TRAPPC9: variants seen among roughly 807,000 people sequenced by gnomAD.
TRAPPC9 encodes the protein trafficking protein particle complex subunit 9.
In TRAPPC9, 83 loss-of-function variants were observed where a neutral mutation model predicts 124.0. The observed-to-expected ratio is 0.67, with a 90% CI of 0.56 to 0.80. TRAPPC9 has a LOEUF of 0.80. Among genes scored for constraint, TRAPPC9 ranks in the 30% least tolerant of loss-of-function variants. The probability of loss-of-function intolerance (pLI) is 0.00; values close to 1 mark genes in which losing one functional copy is unlikely to be tolerated. For missense variants in TRAPPC9, 1,302 were observed against 1,508.3 expected, an observed-to-expected ratio of 0.86 and a Z score of 2.27; for synonymous variants, 638 against 617.5, an observed-to-expected ratio of 1.03 and a Z score of -0.49.
At chr8:140,362,896 G>A (rs536328053) in intron 8 of TRAPPC9, among the ~76,000 whole-genome samples, 4 of 152,260 alleles carry the variant, frequency 2.6e-5, no homozygotes, top group Non-Finnish European at 5.9e-5. Flanking sequence ...CCTACCACGG[G>A]CGATTATGAG....
intron 10 of TRAPPC9, among the ~76,000 whole-genome samples, chr8:140,303,744 C>T (rs1012870280): frequency 6.6e-6 from 1 of 152,206 alleles, no homozygotes; most frequent in African/African-American, 2.4e-5. Flanking sequence ...TTACTTGAAA[C>T]CATCTTTGGG....
At chr8:140,127,696 G>A (rs2061123858) in intron 17 of TRAPPC9, among the ~76,000 whole-genome samples, 2 of 152,170 alleles carry the variant, frequency 1.3e-5, no homozygotes, top group African/African-American at 4.8e-5. Flanking sequence ...AAACATTAAA[G>A]GAGATACGTT....
At chr8:139,891,503 C>T (rs2131155908) in intron 20 of TRAPPC9, among the ~76,000 whole-genome samples, 1 of 152,354 alleles carries the variant, frequency 6.6e-6, no homozygotes, top group South Asian at 2.1e-4. Flanking sequence ...CATGCACGTG[C>T]TCATCCACTC....
At chr8:140,124,943 T>C (rs542564153) in intron 17 of TRAPPC9, among the ~76,000 whole-genome samples, 45 of 152,370 alleles carry the variant, frequency 3.0e-4, no homozygotes, top group Middle Eastern at 6.8e-3. Context: ...TTGCCATTTC[T>C]GGAAAGAAAG....
intron 21 of TRAPPC9, among the ~76,000 whole-genome samples, chr8:139,752,508 T>C (rs577048604): frequency 6.7e-6 from 1 of 149,848 alleles, no homozygotes; most frequent in Admixed American, 6.6e-5. Context: ...CCATCTACCA[T>C]CCATCCAACA....
chr8:140,014,221 G>A (rs1587494258), intron 18 of TRAPPC9, among the ~76,000 whole-genome samples: 1 of 152,176 alleles, frequency 6.6e-6, no homozygotes, highest in African/African-American at 2.4e-5. Context: ...ATGTCTAAGA[G>A]TGGATCGTTT....
chr8:140,026,872 GA>G (rs1376764824), intron 17 of TRAPPC9, among the ~76,000 whole-genome samples: 1 of 152,076 alleles, frequency 6.6e-6, no homozygotes, highest in Non-Finnish European at 1.5e-5. Context: ...ATAAAATACA[GA>G]TTTTTTTTTA....
In TRAPPC9 at chr8:139,776,932, T is replaced by G. The variant is rs1225516819; in HGVS notation, c.3056-44730A>C. On this transcript the variant is annotated intron_variant, in intron 21 of 22. Transcript: ENST00000438773. The surrounding 1 kb of genome is among the most constrained non-coding windows in gnomAD (Gnocchi z 4.1). Reference sequence around the variant, plus strand: ...TGGGGGCTGTGCCTTGCACCCTCTGTAGCTCCTGTGTGCCAGTTCCCAGCT... The same window carrying G: ...TGGGGGCTGTGCCTTGCACCCTCTGGAGCTCCTGTGTGCCAGTTCCCAGCT... 3.9e-5 allele frequency among the ~76,000 whole-genome samples: 6 copies of G among 152,198 alleles called. No homozygotes were observed. The highest frequency in any genetic ancestry group is 8.8e-5 in the Non-Finnish European group (6 of 68,042).
chr8:140,266,729 G>A (rs1175396232), intron 15 of TRAPPC9, among the ~76,000 whole-genome samples: 3 of 150,562 alleles, frequency 2.0e-5, no homozygotes, highest in African/African-American at 7.4e-5. Flanking sequence ...GCGTGGTGGT[G>A]GGTGCCTGTA....
chr8:139,795,706 T>TA (rs1823009136), intron 21 of TRAPPC9, among the ~76,000 whole-genome samples: 1 of 152,010 alleles, frequency 6.6e-6, no homozygotes, highest in South Asian at 2.1e-4. Context: ...AGTACGCAAT[T>TA]AAAGTGTTGG....
Position 139,962,583 on chromosome 8 carries a change from T to C in TRAPPC9, c.2810+26143A>G. 1.6e-5 allele frequency among the ~76,000 whole-genome samples: 2 copies of C among 124,110 alleles called. 1 individual carries two copies. Among genetic ancestry groups the C allele is most frequent in the Non-Finnish European group, 3.8e-5 (2 of 52,110 alleles). 81.4% of individuals were successfully genotyped at this position (124,110 alleles called of 152,430 possible). A position where few individuals can be genotyped will look rare whatever the true frequency, so the allele number is the denominator to read the frequency against. Reference sequence around the variant, plus strand: ...GAATAAACTTGGGGTGAGCCTGAAGTTGGACCTTGACATGGTGCCAGACAT... The same window carrying C: ...GAATAAACTTGGGGTGAGCCTGAAGCTGGACCTTGACATGGTGCCAGACAT... On this transcript the variant is annotated intron_variant, in intron 19 of 22. Transcript: ENST00000438773.
At chr8:140,129,985 G>C (rs1241760607) in intron 17 of TRAPPC9, among the ~76,000 whole-genome samples, 2 of 152,190 alleles carry the variant, frequency 1.3e-5, no homozygotes, top group Non-Finnish European at 2.9e-5. Flanking sequence ...CCCCTGGAGA[G>C]ATGACTGATT....
chr8:140,127,575 C>G (rs974474672), intron 17 of TRAPPC9, among the ~76,000 whole-genome samples: 1 of 152,200 alleles, frequency 6.6e-6, no homozygotes, highest in Admixed American at 6.5e-5. Context: ...AAACAAGTAT[C>G]TCTTGGCCTC....
chr8:140,219,591 A>AG (rs974395238), intron 17 of TRAPPC9, among the ~76,000 whole-genome samples: 5 of 152,112 alleles, frequency 3.3e-5, no homozygotes, highest in Non-Finnish European at 7.4e-5. Flanking sequence ...CGACCCCCTT[A>AG]TAACCCGCAG....
intron 21 of TRAPPC9, among the ~76,000 whole-genome samples, chr8:139,796,128 GAGGAGA>G (rs1197487941): frequency 6.7e-6 from 1 of 150,360 alleles, no homozygotes; most frequent in Non-Finnish European, 1.5e-5. Context: ...GGAGGAGGAA[GAGGAGA>G]AGGAGGAGGA....
intron 15 of TRAPPC9, among the ~76,000 whole-genome samples, chr8:140,259,170 C>T (rs985548339): frequency 6.6e-6 from 1 of 152,196 alleles, no homozygotes; most frequent in African/African-American, 2.4e-5. Context: ...CCTAGTTACC[C>T]GCCTGCACAC....
At chr8:139,947,092 T>C (rs1834274990) in intron 19 of TRAPPC9, among the ~76,000 whole-genome samples, 1 of 152,200 alleles carries the variant, frequency 6.6e-6, no homozygotes, top group African/African-American at 2.4e-5. Flanking sequence ...GGTAATTAAA[T>C]TGCAGGGTTT....
At chr8:139,811,189 G>T (rs1824424041) in intron 21 of TRAPPC9, among the ~76,000 whole-genome samples, 1 of 152,162 alleles carries the variant, frequency 6.6e-6, no homozygotes. Flanking sequence ...ACAAGGAAGA[G>T]CTCTTGGAAA....
In TRAPPC9 at chr8:139,796,291, G is replaced by A. The variant is rs552780972; in HGVS notation, c.3056-64089C>T. 6.6e-5 allele frequency among the ~76,000 whole-genome samples: 10 copies of A among 152,292 alleles called. No individual in the cohort carries two copies. The East Asian group carries it at 1.9e-3, about 29-fold the overall frequency. On this transcript the variant is annotated intron_variant, in intron 21 of 22. Coordinates refer to ENST00000438773, the MANE Select transcript of TRAPPC9 (RefSeq NM_001160372.4). ...GAGCCCTGCTCTGCCCTATCTGAGG[G>A]CCTAGGCAGGTCACTCAGTGATACT... is the stretch of plus-strand genomic sequence containing the variant.
Sources: gnomAD v4.1 joint callset for allele counts (sites outside exome capture counted in the v4.1 genomes callset) on GRCh38, gnomAD v4.1.1 for gene constraint, Gnocchi (gnomAD v3.1) non-coding constraint, MANE v1.5 for transcripts, NCBI Gene and HGNC (gene_info 2026-07-23, HGNC 2026-07-21) for gene names.